PCDH15: variants seen among roughly 807,000 people sequenced by gnomAD.
PCDH15 encodes the protein protocadherin-15.
Under a neutral mutation model 178.5 loss-of-function variants are expected in PCDH15, and 129 were observed. That is an observed-to-expected ratio of 0.72 (90% confidence interval 0.63 to 0.84). The LOEUF (loss-of-function observed/expected upper bound fraction) is 0.84. PCDH15 is among the 40% of genes least tolerant of loss of function. PCDH15 has a pLI of 0.00. For missense variants in PCDH15, 2,230 were observed against 2,099.9 expected (o/e 1.06, Z -1.21); for synonymous variants, 800 against 732.0 (o/e 1.09, Z -1.50).
chr10:55,140,622 G>C (rs983269758), intron 2 of PCDH15, among the ~76,000 whole-genome samples: 1 of 151,800 alleles, frequency 6.6e-6, no homozygotes, highest in African/African-American at 2.4e-5. Context: ...AGAAATACTA[G>C]CTTATTCATT....
intron 2 of PCDH15, among the ~76,000 whole-genome samples, chr10:55,348,287 C>A (rs913898386): frequency 6.6e-6 from 1 of 152,030 alleles, no homozygotes; most frequent in Non-Finnish European, 1.5e-5. Context: ...TATATGAATA[C>A]ACATATAGAA....
At chr10:54,770,939 T>G (rs1949018051) in intron 1 of PCDH15, among the ~76,000 whole-genome samples, 1 of 152,102 alleles carries the variant, frequency 6.6e-6, no homozygotes, top group African/African-American at 2.4e-5. Flanking sequence ...GCTTTTAGAA[T>G]AGCCAGTTGG....
At chr10:55,128,971 T>C (rs1383756377) in intron 2 of PCDH15, among the ~76,000 whole-genome samples, 3 of 152,110 alleles carry the variant, frequency 2.0e-5, no homozygotes, top group South Asian at 4.1e-4. Context: ...TCAGTAGCCA[T>C]GATCTGTACA....
chr10:55,425,639 T>C (rs1177888113), intron 2 of PCDH15, among the ~76,000 whole-genome samples: 1 of 149,366 alleles, frequency 6.7e-6, no homozygotes, highest in African/African-American at 2.5e-5. Flanking sequence ...TGAGAAGAGT[T>C]ACCCGCTACT....
At chr10:54,511,861 A>G (rs967018354) in intron 3 of PCDH15, among the ~76,000 whole-genome samples, 8 of 152,140 alleles carry the variant, frequency 5.3e-5, no homozygotes, top group African/African-American at 1.4e-4. Context: ...CAAATAAGGT[A>G]TGTGAGTGCT....
At chr10:54,329,542 A>T in intron 7 of PCDH15, 54 bp downstream of exon 7, 2 of 1,308,458 alleles carry the variant, frequency 1.5e-6, no homozygotes, top group Non-Finnish European at 2.2e-6. Flanking sequence ...ATTTTGGATG[A>T]GTTTTTTACT....
At chr10:55,476,223 C>T (rs1840059595) in intron 2 of PCDH15, among the ~76,000 whole-genome samples, 2 of 151,634 alleles carry the variant, frequency 1.3e-5, no homozygotes, top group Admixed American at 6.6e-5. Context: ...TTCAGAGGGC[C>T]CCGGGCACTT....
intron 2 of PCDH15, among the ~76,000 whole-genome samples, chr10:54,574,243 T>A (rs529956310): frequency 1.1e-4 from 17 of 151,526 alleles, no homozygotes; most frequent in Admixed American, 6.6e-4. Context: ...TTTCTACATA[T>A]GGCTAGCCAG....
At chr10:55,591,569 A>T (rs1842843524) in intron 2 of PCDH15, among the ~76,000 whole-genome samples, 1 of 152,194 alleles carries the variant, frequency 6.6e-6, no homozygotes, top group Admixed American at 6.6e-5. Flanking sequence ...ATAATTAATT[A>T]AAATAAAATT....
chr10:54,374,584 C>T (rs1948134802), intron 4 of PCDH15, among the ~76,000 whole-genome samples: 1 of 152,010 alleles, frequency 6.6e-6, no homozygotes. Context: ...TGAGACTCTT[C>T]ATGTTCACCC....
chr10:54,150,210 T>C (rs563728056), intron 14 of PCDH15, among the ~76,000 whole-genome samples: 229 of 152,190 alleles, frequency 1.5e-3, no homozygotes, highest in African/African-American at 5.4e-3. Flanking sequence ...ATGGGCGTTA[T>C]AATTATTTTT....
chr10:54,650,628 G>A (rs1434954365), intron 2 of PCDH15, among the ~76,000 whole-genome samples: 1 of 152,082 alleles, frequency 6.6e-6, no homozygotes. Flanking sequence ...GGTAAAATAT[G>A]AGGAAAGAAG....
At chr10:53,940,592 A>G (rs2085971956) in intron 24 of PCDH15, among the ~76,000 whole-genome samples, 1 of 152,136 alleles carries the variant, frequency 6.6e-6, no homozygotes, top group South Asian at 2.1e-4. Flanking sequence ...AATGTCATTA[A>G]AATATTACCA....
chr10:54,322,266 G>A lies in PCDH15; in HGVS notation c.706-4825C>T, dbSNP rs918390884. Among the ~76,000 whole-genome samples, 20 of 151,704 alleles carry A rather than the reference G, an allele frequency of 1.3e-4. No homozygotes were observed. The East Asian group carries it at 2.5e-3, about 19-fold the overall frequency. ...ATAATTTAATTATGTTTTCATTTAC[G>A]TTATGTGATAATCTAATATATATTA... is the stretch of plus-strand genomic sequence containing the variant. On this transcript the variant is annotated intron_variant, in intron 7 of 37. Transcript: ENST00000644397.
intron 25 of PCDH15, among the ~76,000 whole-genome samples, chr10:53,923,897 C>CA (rs1322503882): frequency 1.8e-4 from 28 of 152,206 alleles, no homozygotes; most frequent in Non-Finnish European, 2.6e-4. Context: ...TTCTCAAACT[C>CA]AGTCTTTCAT....
At chr10:54,152,746 A>T (rs1056366549) in intron 14 of PCDH15, among the ~76,000 whole-genome samples, 1 of 151,984 alleles carries the variant, frequency 6.6e-6, no homozygotes, top group African/African-American at 2.4e-5. Context: ...ATTTAAATAC[A>T]TGTATTATTT....
intron 2 of PCDH15, among the ~76,000 whole-genome samples, chr10:54,533,238 T>A (rs935065087): frequency 5.3e-5 from 8 of 152,228 alleles, no homozygotes; most frequent in Non-Finnish European, 1.2e-4. Context: ...TCATTTTATG[T>A]CATTTCATTG....
At chr10:54,563,106 TA>T (rs938082590) in intron 2 of PCDH15, among the ~76,000 whole-genome samples, 24 of 152,202 alleles carry the variant, frequency 1.6e-4, no homozygotes, top group African/African-American at 4.3e-4. Flanking sequence ...ATAAAGGAAA[TA>T]AAAAAAGTGC....
intron 2 of PCDH15, among the ~76,000 whole-genome samples, chr10:55,420,460 A>AT (rs147555336): frequency 0.27 from 40,260 of 150,628 alleles, 6,528 homozygotes; most frequent in African/African-American, 0.46. Flanking sequence ...TAGGTATTGC[A>AT]TTTTTTTTCC....
Sources: allele counts gnomAD v4.1 joint callset (sites outside exome capture counted in the v4.1 genomes callset), GRCh38; gene constraint gnomAD v4.1.1; transcripts MANE v1.5; gene names NCBI Gene and HGNC (gene_info 2026-07-23, HGNC 2026-07-21).